IGFL2: variants seen among roughly 807,000 people sequenced by gnomAD.
IGFL2 encodes insulin growth factor-like family member 2.
In IGFL2, 7 loss-of-function variants were observed where a neutral mutation model predicts 13.9. That is an observed-to-expected ratio of 0.51 (90% CI 0.29 to 0.95). IGFL2 has a LOEUF of 0.95. Among genes scored for constraint, IGFL2 ranks in the 40% least tolerant of loss-of-function variants. The probability of loss-of-function intolerance (pLI) is 0.08; values close to 1 mark genes in which losing one functional copy is unlikely to be tolerated. For synonymous variants in IGFL2, 55 were observed against 55.8 expected (o/e 0.99, Z 0.07); for missense variants, 138 against 147.8 (o/e 0.93, Z 0.34).
At chr19:46,079,177 G>A in the IGFL2 span, among the ~76,000 whole-genome samples, 1 of 152,278 alleles carries the variant, frequency 6.6e-6, no homozygotes, top group Non-Finnish European at 1.5e-5. Context: ...TGGCCGCCAT[G>A]TTTTCGTCGC....
upstream of IGFL2, among the ~76,000 whole-genome samples, chr19:46,142,363 C>G (rs1179085890): frequency 2.6e-5 from 4 of 152,164 alleles, no homozygotes; most frequent in Non-Finnish European, 4.4e-5. Context: ...TCAAACATTA[C>G]AAAAATACTC....
the IGFL2 span, among the ~76,000 whole-genome samples, chr19:46,097,385 T>A: frequency 9.8e-4 from 149 of 152,282 alleles, no homozygotes; most frequent in African/African-American, 3.2e-3. Context: ...TTTTTTATTG[T>A]GTCTGTTTGA....
the IGFL2 span, among the ~76,000 whole-genome samples, chr19:46,202,080 T>G: frequency 6.6e-6 from 1 of 151,380 alleles, no homozygotes; most frequent in Admixed American, 6.6e-5. Flanking sequence ...GTCGGATGAG[T>G]TCACAGAAAA....
At chr19:46,149,165 C>CTCTCTCTCT in intron 1 of IGFL2, 1 of 675,236 alleles carries the variant, frequency 1.5e-6, no homozygotes, top group Non-Finnish European at 2.7e-6. Flanking sequence ...TCTCTCTTCT[C>CTCTCTCTCT]TCTCTCTCTC....
At chr19:46,079,315 C>T in the IGFL2 span, among the ~76,000 whole-genome samples, 1 of 152,228 alleles carries the variant, frequency 6.6e-6, no homozygotes. Flanking sequence ...TTTGTTTTGG[C>T]TGCCCAGGAG....
At chr19:46,170,508 G>A in the IGFL2 span, among the ~76,000 whole-genome samples, 1 of 152,174 alleles carries the variant, frequency 6.6e-6, no homozygotes. Flanking sequence ...TTAAGAACAG[G>A]ATAACAGTGA....
At chr19:46,140,763 A>G (rs1302433763), upstream of IGFL2, among the ~76,000 whole-genome samples, 1 of 152,190 alleles carries the variant, frequency 6.6e-6, no homozygotes, top group African/African-American at 2.4e-5. Flanking sequence ...ACAGGAAAAC[A>G]TGAAGTCTAA....
At chr19:46,214,222 C>T in the IGFL2 span, 3 of 152,246 alleles carry the variant, frequency 2.0e-5, no homozygotes, top group African/African-American at 7.2e-5. Context: ...CCTCCTTGGA[C>T]CTGAGTTCAA....
the IGFL2 span, among the ~76,000 whole-genome samples, chr19:46,087,122 G>C: frequency 1.3e-5 from 2 of 152,272 alleles, no homozygotes; most frequent in South Asian, 4.2e-4. Context: ...CGCTTGATCA[G>C]GTATTGAGAA....
chr19:46,127,604 A>G, the IGFL2 span, among the ~76,000 whole-genome samples: 1 of 152,110 alleles, frequency 6.6e-6, no homozygotes, highest in African/African-American at 2.4e-5. Context: ...GTATAGGTAG[A>G]TAGGTAAGAT....
chr19:46,129,996 G>A, the IGFL2 span, among the ~76,000 whole-genome samples: 1 of 152,096 alleles, frequency 6.6e-6, no homozygotes, highest in African/African-American at 2.4e-5. Flanking sequence ...TGGATGTCTA[G>A]ATCTCTTTGA....
chr19:46,148,859 G>A, intron 1 of IGFL2: 1 of 1,516,666 alleles, frequency 6.6e-7, no homozygotes, highest in Non-Finnish European at 8.8e-7. Flanking sequence ...TGACACTCAG[G>A]AGTGGAGACT....
the IGFL2 span, chr19:46,113,115 G>A: frequency 6.5e-6 from 1 of 154,322 alleles, no homozygotes; most frequent in Non-Finnish European, 1.4e-5. Flanking sequence ...AAACACATCT[G>A]TCATAGAGTG....
At chr19:46,121,070 T>C in the IGFL2 span, among the ~76,000 whole-genome samples, 1 of 150,550 alleles carries the variant, frequency 6.6e-6, no homozygotes, top group African/African-American at 2.5e-5. Flanking sequence ...CATGTACATT[T>C]TTCAGCGCTT....
the IGFL2 span, among the ~76,000 whole-genome samples, chr19:46,193,175 G>A: frequency 3.3e-4 from 51 of 152,256 alleles, no homozygotes; most frequent in African/African-American, 1.2e-3. Context: ...CTGGGGGACA[G>A]AGCAAGACTC....
chr19:46,124,037 G>T, the IGFL2 span: 1 of 1,611,488 alleles, frequency 6.2e-7, no homozygotes, highest in South Asian at 1.1e-5. Context: ...CCACAGCGGC[G>T]GGTCTCCTTT....
chr19:46,177,924 C>T, the IGFL2 span, among the ~76,000 whole-genome samples: 597 of 152,162 alleles, frequency 3.9e-3, 4 homozygotes, highest in African/African-American at 0.012. Flanking sequence ...GGTCAGACAC[C>T]CCTTGTGTTC....
At chr19:46,137,522 G>A in the IGFL2 span, 3 of 1,091,316 alleles carry the variant, frequency 2.7e-6, no homozygotes, top group Non-Finnish European at 4.2e-6. Flanking sequence ...GCCAGAGGAT[G>A]AAGGAAGGTC....
At chr19:46,147,896 C>A, upstream of IGFL2, 1 of 198,822 alleles carries the variant, frequency 5.0e-6, no homozygotes, top group Admixed American at 6.0e-5. Context: ...AGTTTCATCA[C>A]CAGCTGTGAT....
Sources: gnomAD v4.1 joint callset for allele counts (sites outside exome capture counted in the v4.1 genomes callset) on GRCh38, gnomAD v4.1.1 for gene constraint, MANE v1.5 for transcripts, NCBI Gene and HGNC (gene_info 2026-07-23, HGNC 2026-07-21) for gene names.